The following BAZ2B variants were observed in gnomAD, a reference collection of about 807,000 sequenced individuals.
The protein encoded by BAZ2B is bromodomain adjacent to zinc finger domain protein 2B.
Under a neutral mutation model 246.0 loss-of-function variants are expected in BAZ2B, and 91 were observed. The ratio of observed to expected loss-of-function variants is 0.37; its 90% CI spans 0.31 to 0.44. The LOEUF (loss-of-function observed/expected upper bound fraction) is 0.44. Among genes scored for constraint, BAZ2B ranks in the 20% least tolerant of loss-of-function variants. BAZ2B has a pLI of 1.00. For missense variants in BAZ2B, 2,332 were observed against 2,533.7 expected, an observed-to-expected ratio of 0.92 and a Z score of 1.71; for synonymous variants, 855 against 860.0, an observed-to-expected ratio of 0.99 and a Z score of 0.10.
intron 27 of BAZ2B, among the ~76,000 whole-genome samples, chr2:159,370,471 T>C (rs921960519): frequency 5.5e-5 from 8 of 145,788 alleles, no homozygotes; most frequent in Non-Finnish European, 7.5e-5. Context: ...CCCGGGTTCA[T>C]GCCATTCTCC....
intron 31 of BAZ2B, among the ~76,000 whole-genome samples, chr2:159,340,548 T>C (rs1209332756): frequency 6.6e-6 from 1 of 151,706 alleles, no homozygotes; most frequent in Non-Finnish European, 1.5e-5. Context: ...AAGTCACATA[T>C]AAGGAAATCT....
intron 1 of BAZ2B, among the ~76,000 whole-genome samples, chr2:159,591,946 G>A (rs1331999236): frequency 6.6e-6 from 1 of 151,884 alleles, no homozygotes; most frequent in Non-Finnish European, 1.5e-5. Flanking sequence ...AAGGCAAGAC[G>A]CTATCTCTAC....
upstream of BAZ2B, among the ~76,000 whole-genome samples, chr2:159,621,401 G>A (rs1696425895): frequency 6.6e-6 from 1 of 152,074 alleles, no homozygotes; most frequent in South Asian, 2.1e-4. Context: ...GAACACGGCT[G>A]TAAGCACAAA....
chr2:159,683,854 C>T, the BAZ2B span, among the ~76,000 whole-genome samples: 2 of 152,160 alleles, frequency 1.3e-5, no homozygotes, highest in East Asian at 1.9e-4. Context: ...GACAACTGCC[C>T]CATCTCAAGA....
chr2:159,491,582 G>A (rs892413949), intron 2 of BAZ2B, among the ~76,000 whole-genome samples: 2 of 149,164 alleles, frequency 1.3e-5, no homozygotes, highest in African/African-American at 4.9e-5. Flanking sequence ...TTAGCCGGGC[G>A]TAGTGGCGGG....
intron 3 of BAZ2B, 43 bp downstream of exon 3, chr2:159,478,531 TA>T (rs769654477): frequency 1.3e-6 from 2 of 1,550,960 alleles, no homozygotes; most frequent in Non-Finnish European, 8.7e-7. Context: ...TGCAAATTAT[TA>T]AAAGAATGGC....
chr2:159,604,451 A>G (rs1051259152), intron 1 of BAZ2B, among the ~76,000 whole-genome samples: 3 of 152,176 alleles, frequency 2.0e-5, no homozygotes, highest in Non-Finnish European at 4.4e-5. Flanking sequence ...TGTAGAGTAC[A>G]ATATTTTGAT....
At chr2:159,363,084 C>T (rs941071845) in intron 27 of BAZ2B, among the ~76,000 whole-genome samples, 3 of 152,248 alleles carry the variant, frequency 2.0e-5, no homozygotes, top group East Asian at 1.9e-4. Flanking sequence ...TGCTAATTTG[C>T]ATGGTTAGGA....
At chr2:159,679,848 A>C in the BAZ2B span, among the ~76,000 whole-genome samples, 1 of 152,214 alleles carries the variant, frequency 6.6e-6, no homozygotes, top group African/African-American at 2.4e-5. Flanking sequence ...CAGGGCATAC[A>C]TCAAAAATCA....
chr2:159,639,620 GT>G, the BAZ2B span, among the ~76,000 whole-genome samples: 1 of 152,094 alleles, frequency 6.6e-6, no homozygotes, highest in Non-Finnish European at 1.5e-5. Flanking sequence ...GTCGTCATCA[GT>G]TTAAAATAGT....
intron 36 of BAZ2B, 72 bp from the exon 37 acceptor site, chr2:159,320,490 T>C (rs1405815583): frequency 7.7e-7 from 1 of 1,305,912 alleles, no homozygotes; most frequent in Non-Finnish European, 1.0e-6. Flanking sequence ...GAAGAGTTAA[T>C]AAAGGGTAAA....
chr2:159,481,028 T>C (rs1379415134), intron 2 of BAZ2B, among the ~76,000 whole-genome samples: 3 of 151,588 alleles, frequency 2.0e-5, no homozygotes, highest in African/African-American at 7.3e-5. Context: ...AACCAAAAAT[T>C]GGGTCAACTA....
chr2:159,503,567 T>G (rs1352990140), intron 2 of BAZ2B, among the ~76,000 whole-genome samples: 1 of 152,114 alleles, frequency 6.6e-6, no homozygotes. Flanking sequence ...TTTATCTGCC[T>G]TCTTCTTTTT....
the BAZ2B span, among the ~76,000 whole-genome samples, chr2:159,646,848 C>T: frequency 6.6e-5 from 10 of 152,232 alleles, no homozygotes; most frequent in East Asian, 1.5e-3. Context: ...GGATTGCCAC[C>T]TGTTCCTCTT....
intron 2 of BAZ2B, among the ~76,000 whole-genome samples, chr2:159,537,119 C>G (rs2151359753): frequency 6.6e-6 from 1 of 152,250 alleles, no homozygotes; most frequent in Middle Eastern, 3.4e-3. Context: ...ATGCATGAAA[C>G]TTCAAGGACA....
At chr2:159,455,831 C>A (rs1398631853) in intron 3 of BAZ2B, among the ~76,000 whole-genome samples, 1 of 117,394 alleles carries the variant, frequency 8.5e-6, no homozygotes, top group Non-Finnish European at 1.7e-5. Flanking sequence ...AAAAAATGAG[C>A]TTGTAACTAT....
At chr2:159,469,290 T>C (rs904106187) in intron 3 of BAZ2B, among the ~76,000 whole-genome samples, 1 of 152,044 alleles carries the variant, frequency 6.6e-6, no homozygotes, top group Non-Finnish European at 1.5e-5. Context: ...ATTAAAAGAA[T>C]GAGGCAATAT....
chr2:159,468,305 G>C (rs902328275), intron 3 of BAZ2B, among the ~76,000 whole-genome samples: 1 of 151,854 alleles, frequency 6.6e-6, no homozygotes, highest in African/African-American at 2.4e-5. Context: ...GGTAATCTTA[G>C]AAGAAAAACA....
chr2:159,671,113 C>T, the BAZ2B span, among the ~76,000 whole-genome samples: 1 of 152,134 alleles, frequency 6.6e-6, no homozygotes, highest in Non-Finnish European at 1.5e-5. Flanking sequence ...GTATAGTACT[C>T]ACAGTTCTAA....
Sources: gnomAD v4.1 joint callset for allele counts (sites outside exome capture counted in the v4.1 genomes callset) on GRCh38, gnomAD v4.1.1 for gene constraint, MANE v1.5 for transcripts, NCBI Gene and HGNC (gene_info 2026-07-23, HGNC 2026-07-21) for gene names.